LANCL3: variants seen among roughly 807,000 people sequenced by gnomAD.
LANCL3 encodes the protein lanC-like protein 3.
LANCL3 carries 19 observed loss-of-function variants against 26.5 expected under a neutral mutation model. That is an observed-to-expected ratio of 0.72 (90% CI 0.50 to 1.05). LANCL3 has a LOEUF of 1.05. LANCL3 is among the 50% of genes least tolerant of loss of function. LANCL3 has a pLI of 0.00. For missense variants in LANCL3, 318 were observed against 362.7 expected, an observed-to-expected ratio of 0.88 and a Z score of 1.00; for synonymous variants, 160 against 166.6, an observed-to-expected ratio of 0.96 and a Z score of 0.30.
chrX:37,618,192 T>C (rs1293250714), intron 1 of LANCL3, among the ~76,000 whole-genome samples: 1 of 112,407 alleles, frequency 8.9e-6, no homozygotes, highest in Non-Finnish European at 1.9e-5. Context: ...TTCACAGGTA[T>C]GTATGGAAAT....
At chrX:37,597,864 G>A (rs1197113941) in intron 1 of LANCL3, among the ~76,000 whole-genome samples, 1 of 108,395 alleles carries the variant, frequency 9.2e-6, no homozygotes, top group Non-Finnish European at 1.9e-5. Context: ...ATGTTCATTG[G>A]GTATGAAGTG....
chrX:37,616,187 T>A (rs1407619878), intron 1 of LANCL3, among the ~76,000 whole-genome samples: 1 of 111,810 alleles, frequency 8.9e-6, no homozygotes, highest in African/African-American at 3.3e-5. Context: ...GGAAGAACTC[T>A]CTATCCACTC....
In LANCL3 at chrX:37,588,921, C is replaced by T. The variant is rs143131438; in HGVS notation, c.573+16478C>T. 8.0e-3 allele frequency among the ~76,000 whole-genome samples: 897 copies of T among 111,568 alleles called. 5 individuals carry two copies. Among genetic ancestry groups the T allele is most frequent in the African/African-American group, 0.028 (846 of 30,652 alleles). On this transcript the variant is annotated intron_variant, in intron 1 of 4. Coordinates refer to ENST00000378619, the MANE Select transcript of LANCL3 (RefSeq NM_001170331.2). Reference sequence around the variant, plus strand: ...ATTGCTTTGCATGGAATGGATTCCCCGTGCTCAGTGGTGTGTTGAAATCTG... The same window carrying T: ...ATTGCTTTGCATGGAATGGATTCCCTGTGCTCAGTGGTGTGTTGAAATCTG...
chrX:37,650,671 C>T (rs1926113558), intron 1 of LANCL3, among the ~76,000 whole-genome samples: 1 of 107,151 alleles, frequency 9.3e-6, no homozygotes, highest in Non-Finnish European at 1.9e-5. Context: ...CTTTAACTTT[C>T]TCTCTTGGTA....
At chrX:37,585,648 G>A (rs782470352) in intron 1 of LANCL3, among the ~76,000 whole-genome samples, 4 of 111,335 alleles carry the variant, frequency 3.6e-5, no homozygotes, top group Non-Finnish European at 7.5e-5. Context: ...CCATTTGCTT[G>A]GTAGATCTCC....
intron 3 of LANCL3, among the ~76,000 whole-genome samples, chrX:37,665,821 A>G (rs1190644336): frequency 2.7e-5 from 3 of 112,569 alleles, no homozygotes; most frequent in South Asian, 3.7e-4. Context: ...AGGCCTGCAC[A>G]GGTGGCATGC....
intron 1 of LANCL3, among the ~76,000 whole-genome samples, chrX:37,591,733 G>C (rs1326900675): frequency 9.2e-6 from 1 of 108,473 alleles, no homozygotes; most frequent in Non-Finnish European, 1.9e-5. Flanking sequence ...CTGGTGGTGG[G>C]GGGGGTATGT....
At chrX:37,641,955 G>A (rs1441063265) in intron 1 of LANCL3, among the ~76,000 whole-genome samples, 1 of 111,742 alleles carries the variant, frequency 8.9e-6, no homozygotes, top group Non-Finnish European at 1.9e-5. Flanking sequence ...AAGGATTTGA[G>A]GATCTACTGT....
chrX:37,576,219 T>C (rs1923741365), intron 1 of LANCL3, among the ~76,000 whole-genome samples: 1 of 111,941 alleles, frequency 8.9e-6, no homozygotes, highest in African/African-American at 3.2e-5. Flanking sequence ...GGTTCAGATA[T>C]AAGAAAAAGA....
intron 1 of LANCL3, among the ~76,000 whole-genome samples, chrX:37,597,903 G>A (rs1020740794): frequency 2.7e-5 from 3 of 109,472 alleles, no homozygotes; most frequent in Non-Finnish European, 5.7e-5. Flanking sequence ...TTGATATGCA[G>A]TTTCCTGATG....
At chrX:37,638,523 A>G (rs782506509) in intron 1 of LANCL3, among the ~76,000 whole-genome samples, 1 of 111,910 alleles carries the variant, frequency 8.9e-6, no homozygotes, top group Non-Finnish European at 1.9e-5. Context: ...CTTACAACCA[A>G]AGGGCCTTGA....
At chrX:37,644,641 C>T (rs781878517) in intron 1 of LANCL3, among the ~76,000 whole-genome samples, 1 of 112,314 alleles carries the variant, frequency 8.9e-6, no homozygotes, top group Non-Finnish European at 1.9e-5. Context: ...TCCATTCCTC[C>T]ATGACTCAGA....
intron 1 of LANCL3, among the ~76,000 whole-genome samples, chrX:37,653,542 G>A (rs782034417): frequency 8.9e-6 from 1 of 112,311 alleles, no homozygotes; most frequent in Non-Finnish European, 1.9e-5. Flanking sequence ...CCAATTAAGT[G>A]CATGCCCTTC....
chrX:37,599,272 G>T (rs1320132214), intron 1 of LANCL3, among the ~76,000 whole-genome samples: 1 of 112,259 alleles, frequency 8.9e-6, no homozygotes, highest in Non-Finnish European at 1.9e-5. Context: ...TTATGGATTA[G>T]ACATTTAAAT....
intron 1 of LANCL3, among the ~76,000 whole-genome samples, chrX:37,614,346 A>G (rs1733141143): frequency 1.8e-5 from 2 of 111,664 alleles, no homozygotes; most frequent in Admixed American, 1.9e-4. Flanking sequence ...AGTATTTCTG[A>G]AAAACTGTTC....
intron 1 of LANCL3, among the ~76,000 whole-genome samples, chrX:37,613,169 T>A (rs958558378): frequency 9.1e-6 from 1 of 109,675 alleles, no homozygotes; most frequent in African/African-American, 3.3e-5. Flanking sequence ...CTTACCCTGC[T>A]TGATTTTTCT....
intron 1 of LANCL3, among the ~76,000 whole-genome samples, chrX:37,593,217 A>G (rs1326019152): frequency 9.0e-6 from 1 of 111,602 alleles, no homozygotes; most frequent in Non-Finnish European, 1.9e-5. Context: ...GGGAACTTCC[A>G]GGGTGGTCTT....
At chrX:37,613,897 C>T (rs1924942754) in intron 1 of LANCL3, among the ~76,000 whole-genome samples, 1 of 112,152 alleles carries the variant, frequency 8.9e-6, no homozygotes, top group Admixed American at 9.4e-5. Context: ...TTCCTCATTA[C>T]CCCATTTTAT....
intron 3 of LANCL3, among the ~76,000 whole-genome samples, chrX:37,660,391 C>A (rs1926388110): frequency 8.9e-6 from 1 of 111,970 alleles, no homozygotes; most frequent in African/African-American, 3.2e-5. Flanking sequence ...CAGTACCAAA[C>A]AAAATGTCTA....
Sources: allele counts gnomAD v4.1 joint callset (sites outside exome capture counted in the v4.1 genomes callset), GRCh38; gene constraint gnomAD v4.1.1; transcripts MANE v1.5; gene names NCBI Gene and HGNC (gene_info 2026-07-23, HGNC 2026-07-21).